The following SLMAP variants were observed in gnomAD, a reference collection of about 807,000 sequenced individuals.
The protein encoded by SLMAP is sarcolemma associated protein, also known as sarcolemmal membrane-associated protein.
A neutral mutation model predicts 128.8 loss-of-function variants in SLMAP; 44 were observed. The observed-to-expected ratio is 0.34, with a 90% CI of 0.27 to 0.44. SLMAP has a LOEUF of 0.44. Ranked by LOEUF, SLMAP falls within the 20% of genes least tolerant of loss-of-function variation. The pLI, the probability that SLMAP is intolerant of heterozygous loss-of-function variation, is 1.00. For missense variants in SLMAP, 787 were observed against 985.3 expected, an observed-to-expected ratio of 0.80 and a Z score of 2.69; for synonymous variants, 327 against 348.8, an observed-to-expected ratio of 0.94 and a Z score of 0.70.
At chr3:57,890,171 GTTATAGTATT>G (rs2096021089) in intron 15 of SLMAP, 71 bp downstream of exon 15, 2 of 1,475,456 alleles carry the variant, frequency 1.4e-6, no homozygotes, top group Non-Finnish European at 1.9e-6. Flanking sequence ...TATTTTCAAG[GTTATAGTATT>G]TTAACCATCA....
At chr3:57,911,364 A>G (rs542247302) in intron 19 of SLMAP, among the ~76,000 whole-genome samples, 2 of 152,272 alleles carry the variant, frequency 1.3e-5, no homozygotes, top group South Asian at 2.1e-4. Flanking sequence ...TCCCATCCCT[A>G]AATCCTCTTG....
intron 3 of SLMAP, among the ~76,000 whole-genome samples, chr3:57,839,434 ATTTTTT>A (rs1189313640): frequency 1.2e-5 from 1 of 82,866 alleles, no homozygotes; most frequent in African/African-American, 5.1e-5. Flanking sequence ...CATTAGCTCT[ATTTTTT>A]TTTTTTTTTT....
At chr3:57,837,648 C>T (rs952352210) in intron 3 of SLMAP, among the ~76,000 whole-genome samples, 2 of 152,172 alleles carry the variant, frequency 1.3e-5, no homozygotes, top group African/African-American at 2.4e-5. Context: ...GGATTACAGG[C>T]GTGAGCCACT....
chr3:57,925,772 A>G lies in SLMAP; in HGVS notation c.2446-73A>G, dbSNP rs895350874. 8 of 1,007,934 alleles carry G rather than the reference A, an allele frequency of 7.9e-6. No individual in the cohort carries two copies. In the South Asian group the frequency reaches 9.7e-5, roughly 12 times the overall value. 62.4% of individuals were successfully genotyped at this position (1,007,934 alleles called of 1,614,324 possible). ...ATTCTTTCTTCCTACCTCCCACCCT[A>G]CTGGGGTCTGAATCCTCTTATCTGA... On this transcript the variant is annotated intron_variant, in intron 23 of 24. Transcript: ENST00000671191.
At chr3:57,885,646 C>T (rs1489572973) in intron 14 of SLMAP, among the ~76,000 whole-genome samples, 13 of 149,718 alleles carry the variant, frequency 8.7e-5, no homozygotes, top group Non-Finnish European at 1.5e-4. Context: ...CTCAAACTCC[C>T]GACCTCAGGT....
chr3:57,857,315 TG>T (rs2094840348), intron 6 of SLMAP, among the ~76,000 whole-genome samples: 2 of 152,190 alleles, frequency 1.3e-5, no homozygotes, highest in Admixed American at 1.3e-4. Context: ...CCCCAGTAGA[TG>T]CCTGAAATCA....
intron 2 of SLMAP, among the ~76,000 whole-genome samples, chr3:57,776,587 C>T (rs945864751): frequency 2.4e-4 from 32 of 134,818 alleles, no homozygotes; most frequent in African/African-American, 8.4e-4. Context: ...AGTGCAGTGG[C>T]GCAATCTTGG....
At chr3:57,843,775 CTT>C (rs775541858) in intron 4 of SLMAP, among the ~76,000 whole-genome samples, 2 of 77,126 alleles carry the variant, frequency 2.6e-5, no homozygotes, top group African/African-American at 5.1e-5. Flanking sequence ...TCTTTTCTTT[CTT>C]TTTTTTTTTT....
intron 3 of SLMAP, among the ~76,000 whole-genome samples, chr3:57,834,353 G>A (rs759702452): frequency 2.0e-5 from 3 of 152,082 alleles, no homozygotes; most frequent in African/African-American, 2.4e-5. Flanking sequence ...TTAATAAACC[G>A]TAATGCATTA....
At chr3:57,904,904 A>C (rs905960596) in intron 17 of SLMAP, among the ~76,000 whole-genome samples, 1 of 141,502 alleles carries the variant, frequency 7.1e-6, no homozygotes, top group Admixed American at 6.7e-5. Context: ...CCATCTCTAC[A>C]AAAAATTAAA....
At chr3:57,782,183 A>G (rs2083227845) in intron 2 of SLMAP, among the ~76,000 whole-genome samples, 2 of 152,308 alleles carry the variant, frequency 1.3e-5, no homozygotes, top group Middle Eastern at 3.4e-3. Context: ...TGGGGATACT[A>G]TATCATTATA....
At chr3:57,902,052 G>A (rs1440454756) in intron 17 of SLMAP, 1 of 152,006 alleles carries the variant, frequency 6.6e-6, no homozygotes, top group Non-Finnish European at 1.5e-5. Flanking sequence ...AAAAGAGAGA[G>A]AGATGTCAAC....
Position 57,831,380 on chromosome 3 carries a change from C to A in SLMAP, c.199-3C>A. On this transcript the variant is annotated splice_polypyrimidine_tract_variant and splice_region_variant and intron_variant, in intron 2 of 24. Coordinates refer to ENST00000671191, the MANE Select transcript of SLMAP (RefSeq NM_001377540.1). ...CCTTTTTTGTTTTTGTTTTTTTTTG[C>A]AGTTTTATCTTCAAGACACTAAAAG... The A allele has an allele frequency of 7.0e-7, 1 of 1,437,696 alleles. No individual in the cohort carries two copies. The highest frequency in any genetic ancestry group is 9.2e-7 in the Non-Finnish European group (1 of 1,083,348). 89.1% of individuals were successfully genotyped at this position (1,437,696 alleles called of 1,614,324 possible). A position where few individuals can be genotyped will look rare whatever the true frequency, so the allele number is the denominator to read the frequency against.
rs1451155377 is a variant in SLMAP, at chr3:57,869,630, T to TTTTATATATA, written c.1238-2005_1238-2004insTTATATATAT. ...ACAACATAGCAAGATCCCATCTCTA[T>TTTTATATATA]TATATATATATATATATATATATAT... is the stretch of plus-strand genomic sequence containing the variant. On this transcript the variant is annotated intron_variant, in intron 13 of 24. Coordinates refer to ENST00000671191, the MANE Select transcript of SLMAP (RefSeq NM_001377540.1). Among the ~76,000 whole-genome samples, 125 of 75,466 alleles carry TTTTATATATA rather than the reference T, an allele frequency of 1.7e-3. 1 individual carries two copies. The highest frequency in any genetic ancestry group is 5.1e-3 in the Admixed American group (29 of 5,678). 49.5% of individuals were successfully genotyped at this position (75,466 alleles called of 152,430 possible).
At chr3:57,823,273 G>A (rs1292135133) in intron 2 of SLMAP, among the ~76,000 whole-genome samples, 1 of 152,002 alleles carries the variant, frequency 6.6e-6, no homozygotes, top group East Asian at 1.9e-4. Context: ...ACAACGTGCA[G>A]GTTTGTTACA....
intron 2 of SLMAP, among the ~76,000 whole-genome samples, chr3:57,788,029 C>T (rs998245657): frequency 2.0e-5 from 3 of 152,170 alleles, no homozygotes; most frequent in African/African-American, 7.2e-5. Flanking sequence ...CAGGTGACAG[C>T]TGAAACAAGT....
chr3:57,808,223 T>C (rs1009512609), intron 2 of SLMAP, among the ~76,000 whole-genome samples: 1 of 151,864 alleles, frequency 6.6e-6, no homozygotes, highest in East Asian at 1.9e-4. Flanking sequence ...AGATTCATAG[T>C]TTTTTTTGTA....
Position 57,858,108 on chromosome 3 carries a change from A to T in SLMAP, c.636A>T (p.Arg212Ser), listed in dbSNP as rs751199292. ...TSWQALIDED[R>S]LLSRLEVMGN... ...AATAGGCTTTAATAGATGAAGATAGACTCTTATCACGGTTAGAAGTTATGG... is the reference window on the plus strand; with the variant it reads ...AATAGGCTTTAATAGATGAAGATAGTCTCTTATCACGGTTAGAAGTTATGG... Residue 212 changes from arginine to serine, a missense_variant, in exon 8 of 25, where the codon AGA becomes AGT. Transcript: ENST00000671191. 6.3e-7 allele frequency: 1 copy of T among 1,596,176 alleles called. No individual in the cohort carries two copies. The highest frequency in any genetic ancestry group is 1.1e-5 in the South Asian group (1 of 90,670).
chr3:57,887,089 GAA>G (rs1352669565), intron 14 of SLMAP, among the ~76,000 whole-genome samples: 2 of 151,480 alleles, frequency 1.3e-5, no homozygotes, highest in African/African-American at 4.9e-5. Context: ...AAAAAAAAGA[GAA>G]AAAAGAGACT....
Sources: gnomAD v4.1 joint callset for allele counts (sites outside exome capture counted in the v4.1 genomes callset) on GRCh38, gnomAD v4.1.1 for gene constraint, MANE v1.5 for transcripts, NCBI Gene and HGNC (gene_info 2026-07-23, HGNC 2026-07-21) for gene names.